Variants in GLT1D1 observed in about 807,000 individuals in gnomAD.
GLT1D1 encodes glycosyltransferase 1 domain containing 1, also known as glycosyltransferase 1 domain-containing protein 1.
GLT1D1 carries 21 observed loss-of-function variants against 28.7 expected under a neutral mutation model. The ratio of observed to expected loss-of-function variants is 0.73; its 90% CI spans 0.52 to 1.05. GLT1D1 has a LOEUF of 1.05. GLT1D1 is among the 50% of genes least tolerant of loss of function. The pLI is 0.00. For missense variants in GLT1D1, 343 were observed against 330.6 expected (o/e 1.04, Z -0.29); for synonymous variants, 147 against 124.8 (o/e 1.18, Z -1.19).
chr12:128,913,649 C>A (rs987057581), intron 4 of GLT1D1, among the ~76,000 whole-genome samples: 1 of 152,244 alleles, frequency 6.6e-6, no homozygotes, highest in Non-Finnish European at 1.5e-5. Context: ...GCCAGGCGTT[C>A]GGGCCTCCTG....
intron 1 of GLT1D1, among the ~76,000 whole-genome samples, chr12:128,873,915 C>A: frequency 9.1e-6 from 1 of 110,034 alleles, no homozygotes; most frequent in East Asian, 2.9e-4. Flanking sequence ...TTCTTTCTCT[C>A]TTTCTTTTTC....
chr12:128,927,603 A>T (rs1160756545), intron 4 of GLT1D1, among the ~76,000 whole-genome samples: 1 of 152,192 alleles, frequency 6.6e-6, no homozygotes, highest in Non-Finnish European at 1.5e-5. Context: ...TTTGCCTCTT[A>T]AAAATGAAAA....
At chr12:128,879,587 C>T (rs945315824) in intron 2 of GLT1D1, among the ~76,000 whole-genome samples, 1 of 151,892 alleles carries the variant, frequency 6.6e-6, no homozygotes, top group African/African-American at 2.4e-5. Context: ...TCCAGAATAG[C>T]TGGGATTAAC....
chr12:128,912,663 CT>C (rs919087274), intron 4 of GLT1D1, among the ~76,000 whole-genome samples: 1,719 of 149,416 alleles, frequency 0.012, 28 homozygotes, highest in African/African-American at 0.039. Flanking sequence ...GAAATGGCTA[CT>C]TTTTTTTTTC....
intron 4 of GLT1D1, among the ~76,000 whole-genome samples, chr12:128,906,681 A>C (rs1222182131): frequency 6.6e-6 from 1 of 151,864 alleles, no homozygotes; most frequent in African/African-American, 2.4e-5. Flanking sequence ...GCAAAGGCTA[A>C]GTTTTCAGGT....
intron 4 of GLT1D1, among the ~76,000 whole-genome samples, chr12:128,929,193 C>G (rs545894746): frequency 6.6e-6 from 1 of 152,194 alleles, no homozygotes; most frequent in East Asian, 1.9e-4. Context: ...TGGCTTCCAC[C>G]CTCTGGAACC....
intron 7 of GLT1D1, among the ~76,000 whole-genome samples, chr12:128,958,012 T>C (rs541454011): frequency 2.0e-5 from 3 of 152,386 alleles, no homozygotes; most frequent in Admixed American, 2.0e-4. Flanking sequence ...TCACTTTTCA[T>C]TCCTTGAAAC....
chr12:128,873,020 A>G (rs1341980275), intron 1 of GLT1D1, among the ~76,000 whole-genome samples: 2 of 152,066 alleles, frequency 1.3e-5, no homozygotes, highest in African/African-American at 4.8e-5. Flanking sequence ...TCAGCCTCCC[A>G]AACAGCTGGG....
At position 128,944,627 on chromosome 12, in the gene GLT1D1, C is replaced by T. The variant is rs536794215; in HGVS notation, c.376-699C>T. 5.1e-4 allele frequency: 375 copies of T among 736,294 alleles called. 3 individuals carry two copies. The highest frequency in any genetic ancestry group is 2.2e-3 in the South Asian group (164 of 73,986). The allele number at this position is 736,294 out of a possible 1,614,324, so 45.6% of individuals were successfully genotyped here. A position where few individuals can be genotyped will look rare whatever the true frequency, so the allele number is the denominator to read the frequency against. On this transcript the variant is annotated intron_variant, in intron 4 of 7. Transcript: ENST00000281703. ...GACATATTCAGGTTAATCACTGTGT[C>T]GGTCTGATCAGCTTTATCTAGGGCT...
At chr12:128,869,939 A>ATTTT (rs35487977) in intron 1 of GLT1D1, among the ~76,000 whole-genome samples, 26 of 125,254 alleles carry the variant, frequency 2.1e-4, no homozygotes, top group African/African-American at 7.0e-4. Context: ...TGTGTATTCT[A>ATTTT]TTTTTTTTTT....
rs111608653 is a variant in GLT1D1 at position 128,927,912 on chromosome 12, A to C, written c.376-17414A>C. On this transcript the variant is annotated intron_variant, in intron 4 of 7. Transcript: ENST00000281703. ...CTACTCAGGAGGCTGAGGCAGGAGA[A>C]TCGCTTGAACCCGAGAGGTGGAAGC... Among the ~76,000 whole-genome samples, 1,143 of 143,932 alleles carry C rather than the reference A, an allele frequency of 7.9e-3. 16 individuals are homozygous for C. The highest frequency in any genetic ancestry group is 0.028 in the African/African-American group (1,089 of 39,442). 94.4% of individuals were successfully genotyped at this position (143,932 alleles called of 152,430 possible). A position where few individuals can be genotyped will look rare whatever the true frequency, so the allele number is the denominator to read the frequency against.
At chr12:128,975,412 G>A (rs571250073) in intron 7 of GLT1D1, among the ~76,000 whole-genome samples, 2 of 152,170 alleles carry the variant, frequency 1.3e-5, no homozygotes, top group African/African-American at 4.8e-5. Context: ...GGCTTGCTCA[G>A]TTTCCATCTG....
intron 7 of GLT1D1, among the ~76,000 whole-genome samples, chr12:128,969,782 A>T (rs761376947): frequency 8.5e-5 from 13 of 152,198 alleles, no homozygotes; most frequent in Non-Finnish European, 1.3e-4. Flanking sequence ...CTCTGAGAAC[A>T]GGAGGAGGCA....
intron 1 of GLT1D1, among the ~76,000 whole-genome samples, chr12:128,864,417 C>T (rs1037443479): frequency 2.6e-5 from 4 of 152,058 alleles, no homozygotes; most frequent in African/African-American, 9.6e-5. Flanking sequence ...GGCTGGTTAG[C>T]GAGGCTGGAT....
At chr12:128,887,975 C>T (rs545376979) in intron 2 of GLT1D1, among the ~76,000 whole-genome samples, 9 of 152,118 alleles carry the variant, frequency 5.9e-5, no homozygotes, top group Non-Finnish European at 1.0e-4. Context: ...TGCCCATCTG[C>T]GCTCATGAAA....
At chr12:128,923,100 G>A (rs1241147966) in intron 4 of GLT1D1, among the ~76,000 whole-genome samples, 2 of 152,104 alleles carry the variant, frequency 1.3e-5, no homozygotes, top group African/African-American at 4.8e-5. Context: ...CTCCCGTTGG[G>A]TATTAATTTT....
intron 4 of GLT1D1, chr12:128,906,979 T>C (rs1425060171): frequency 2.8e-6 from 2 of 702,350 alleles, no homozygotes; most frequent in East Asian, 5.4e-5. Context: ...TCAGTGCAGA[T>C]GTTAGCGCTG....
Position 128,935,885 on chromosome 12 carries a change from G to A in GLT1D1, c.376-9441G>A, listed in dbSNP as rs1012516258. Reference sequence around the variant, plus strand: ...TCCACGCAATCATTCAATGCTAACCGCTGGCAAGTTAGTTAACACCCCTAG... The same window carrying A: ...TCCACGCAATCATTCAATGCTAACCACTGGCAAGTTAGTTAACACCCCTAG... On this transcript the variant is annotated intron_variant, in intron 4 of 7. Transcript: ENST00000281703. 3.3e-5 allele frequency among the ~76,000 whole-genome samples: 5 copies of A among 152,148 alleles called. No individual in the cohort carries two copies. In the South Asian group the frequency reaches 6.2e-4, roughly 19 times the overall value.
At chr12:128,939,871 C>T (rs920918041) in intron 4 of GLT1D1, among the ~76,000 whole-genome samples, 1 of 144,326 alleles carries the variant, frequency 6.9e-6, no homozygotes, top group African/African-American at 2.5e-5. Context: ...CACCTCCTAC[C>T]AGGCCCCACC....
Sources: allele counts gnomAD v4.1 joint callset (sites outside exome capture counted in the v4.1 genomes callset), GRCh38; gene constraint gnomAD v4.1.1; transcripts MANE v1.5; gene names NCBI Gene and HGNC (gene_info 2026-07-23, HGNC 2026-07-21).